KLF8: variants seen among roughly 807,000 people sequenced by gnomAD.
KLF8 encodes Krueppel-like factor 8.
In KLF8, 10 loss-of-function variants were observed where a neutral mutation model predicts 18.2. The ratio of observed to expected loss-of-function variants is 0.55; its 90% CI spans 0.34 to 0.93. The LOEUF (loss-of-function observed/expected upper bound fraction) is 0.93, where lower values mean the gene tolerates loss of function less well. KLF8 is among the 40% of genes least tolerant of loss of function. The probability of loss-of-function intolerance (pLI) is 0.02; values close to 1 mark genes in which losing one functional copy is unlikely to be tolerated. For missense variants in KLF8, 264 were observed against 277.9 expected, an observed-to-expected ratio of 0.95 and a Z score of 0.36; for synonymous variants, 109 against 97.3, an observed-to-expected ratio of 1.12 and a Z score of -0.71.
chrX:56,185,461 T>C, the KLF8 span, among the ~76,000 whole-genome samples: 2 of 111,773 alleles, frequency 1.8e-5, no homozygotes, highest in African/African-American at 6.5e-5. Context: ...CAGGATATTA[T>C]CCAGGAGAAC....
At chrX:56,125,222 G>A in the KLF8 span, among the ~76,000 whole-genome samples, 1 of 111,794 alleles carries the variant, frequency 8.9e-6, no homozygotes, top group African/African-American at 3.3e-5. Context: ...ATAGCCTAGA[G>A]ACATCAGATG....
chrX:55,936,401 C>G, the KLF8 span, among the ~76,000 whole-genome samples: 1 of 112,213 alleles, frequency 8.9e-6, no homozygotes, highest in Non-Finnish European at 1.9e-5. Flanking sequence ...CGAGGTGGAG[C>G]CAAGATGGCC....
At chrX:56,247,028 T>A (rs2066630959) in intron 1 of KLF8, among the ~76,000 whole-genome samples, 1 of 111,835 alleles carries the variant, frequency 8.9e-6, no homozygotes, top group South Asian at 3.7e-4. Context: ...CATGTACAGT[T>A]ATTCATCCCT....
At chrX:56,278,029 T>C (rs1170835124) in intron 5 of KLF8, among the ~76,000 whole-genome samples, 1 of 112,645 alleles carries the variant, frequency 8.9e-6, no homozygotes, top group Non-Finnish European at 1.9e-5. Flanking sequence ...CTGCTTGGCC[T>C]GGGACTCACG....
the KLF8 span, among the ~76,000 whole-genome samples, chrX:56,005,205 G>T: frequency 1.8e-5 from 2 of 110,385 alleles, no homozygotes; most frequent in African/African-American, 3.3e-5. Flanking sequence ...TTACAGGGGG[G>T]TGGTGTCAGC....
At chrX:55,999,410 T>C in the KLF8 span, among the ~76,000 whole-genome samples, 4 of 107,623 alleles carry the variant, frequency 3.7e-5, no homozygotes, top group Non-Finnish European at 5.8e-5. Flanking sequence ...ATGTTGAATA[T>C]GTAGATTGCT....
chrX:56,008,129 T>G, the KLF8 span, among the ~76,000 whole-genome samples: 2 of 107,445 alleles, frequency 1.9e-5, no homozygotes, highest in Non-Finnish European at 3.8e-5. Context: ...TATATATATA[T>G]ATATATATAC....
rs768543942 is a variant in KLF8 at position 56,284,505 on chromosome X, T to C, written c.*11T>C. The C allele has an allele frequency of 1.5e-5, 17 of 1,145,916 alleles. No homozygotes were observed. Among genetic ancestry groups the C allele is most frequent in the Non-Finnish European group, 1.9e-5 (16 of 860,951 alleles). The allele number at this position is 1,145,916 out of a possible 1,213,427, so 94.4% of individuals were successfully genotyped here. A position where few individuals can be genotyped will look rare whatever the true frequency, so the allele number is the denominator to read the frequency against. ...CATGACACCATGTGAGCCGCACAGG[T>C]CACACTAGAGAAGCTGCGCTGGTAT... is the stretch of plus-strand genomic sequence containing the variant. On this transcript the variant is annotated 3_prime_UTR_variant, in exon 6 of 6. Transcript: ENST00000468660.
At chrX:56,269,313 T>C in intron 3 of KLF8, 65 bp from the exon 4 acceptor site, 1 of 1,089,929 alleles carries the variant, frequency 9.2e-7, no homozygotes, top group African/African-American at 1.9e-5. Context: ...AAACTGGGAA[T>C]CCTGAAAATG....
the KLF8 span, chrX:55,961,339 G>C: frequency 9.0e-6 from 4 of 446,687 alleles, no homozygotes; most frequent in African/African-American, 9.8e-5. Flanking sequence ...TCCCATCCTG[G>C]GAGTCACCAA....
At chrX:56,164,751 CT>C in the KLF8 span, among the ~76,000 whole-genome samples, 2,907 of 35,839 alleles carry the variant, frequency 0.081, 83 homozygotes, top group African/African-American at 0.18. Flanking sequence ...TTTTTTTTAA[CT>C]TTTTTTTTTT....
chrX:56,166,487 C>T, the KLF8 span, among the ~76,000 whole-genome samples: 27 of 111,481 alleles, frequency 2.4e-4, no homozygotes, highest in East Asian at 7.6e-3. Flanking sequence ...CCTCATGGGC[C>T]CCTGAAAGTA....
At chrX:56,162,308 G>A in the KLF8 span, among the ~76,000 whole-genome samples, 8 of 112,073 alleles carry the variant, frequency 7.1e-5, no homozygotes, top group Non-Finnish European at 1.5e-4. Context: ...GTCAGACAGG[G>A]ACATTTAATT....
chrX:56,103,430 C>T, the KLF8 span, among the ~76,000 whole-genome samples: 2 of 111,187 alleles, frequency 1.8e-5, no homozygotes, highest in African/African-American at 6.6e-5. Flanking sequence ...CCTTCACATC[C>T]CTTGTTAGTT....
At position 56,289,195 on chromosome X, in the gene KLF8, G is replaced by C. The variant is rs908332337; in HGVS notation, c.*4701G>C. On this transcript the variant is annotated 3_prime_UTR_variant, in exon 6 of 6. Coordinates refer to ENST00000468660, the MANE Select transcript of KLF8 (RefSeq NM_007250.5). ...ACTACTTTATTTTATTGCTCGAATT[G>C]TTCCAGCTTTGGCCATTGGGAGCTC... Among the ~76,000 whole-genome samples the C allele has an allele frequency of 1.8e-5, 2 of 111,484 alleles. No individual in the cohort carries two copies. Among genetic ancestry groups the C allele is most frequent in the African/African-American group, 3.3e-5 (1 of 30,711 alleles).
the KLF8 span, among the ~76,000 whole-genome samples, chrX:56,091,335 A>G: frequency 4.5e-5 from 5 of 110,543 alleles, no homozygotes; most frequent in East Asian, 5.7e-4. Context: ...ACCATCCACC[A>G]TGATTTTAAG....
chrX:55,959,749 A>T, the KLF8 span, among the ~76,000 whole-genome samples: 2 of 112,021 alleles, frequency 1.8e-5, no homozygotes, highest in East Asian at 5.6e-4. Flanking sequence ...ATGTAAAGAG[A>T]CCAAACCTAT....
chrX:55,976,717 G>T, the KLF8 span, among the ~76,000 whole-genome samples: 1 of 111,366 alleles, frequency 9.0e-6, no homozygotes, highest in Non-Finnish European at 1.9e-5. Flanking sequence ...TGAATCATTA[G>T]ATTGAGTTGT....
At chrX:56,077,799 G>A in the KLF8 span, among the ~76,000 whole-genome samples, 2 of 111,476 alleles carry the variant, frequency 1.8e-5, no homozygotes, top group Non-Finnish European at 3.8e-5. Context: ...CCATTTGTTT[G>A]TATCCTCTTT....
Sources: allele counts gnomAD v4.1 joint callset (sites outside exome capture counted in the v4.1 genomes callset), GRCh38; gene constraint gnomAD v4.1.1; transcripts MANE v1.5; gene names NCBI Gene and HGNC (gene_info 2026-07-23, HGNC 2026-07-21).